TRIM31: variants seen among roughly 807,000 people sequenced by gnomAD.
TRIM31 encodes the protein E3 ubiquitin-protein ligase TRIM31.
In TRIM31, 31 loss-of-function variants were observed where a neutral mutation model predicts 40.6. The ratio of observed to expected loss-of-function variants is 0.76; its 90% CI spans 0.57 to 1.03. The LOEUF is 1.03. Among genes scored for constraint, TRIM31 ranks in the 50% least tolerant of loss-of-function variants. The probability of loss-of-function intolerance (pLI) is 0.00; values close to 1 mark genes in which losing one functional copy is unlikely to be tolerated. For synonymous variants in TRIM31, 164 were observed against 193.9 expected (o/e 0.85, Z 1.28); for missense variants, 455 against 497.5 (o/e 0.91, Z 0.81).
chr6:30,111,493 G>C, intron 3 of TRIM31, 155 bp downstream of exon 3: 1 of 692,286 alleles, frequency 1.4e-6, no homozygotes, highest in Non-Finnish European at 2.4e-6. Context: ...GCCGACGCGG[G>C]AGGTGATGCC....
At position 30,111,918 on chromosome 6, in the gene TRIM31, G is replaced by A. The variant is rs114338622; in HGVS notation, c.418-175C>T. On this transcript the variant is annotated intron_variant, in intron 2 of 8. Transcript: ENST00000376734. ...GGGGTTGCTGAGAAGGGAGAAATCT[G>A]GAGCCTAAGTGACCTAAATGACCAG... is the stretch of plus-strand genomic sequence containing the variant. The A allele has an allele frequency of 4.4e-3, 2,770 of 631,070 alleles. 36 individuals carry two copies. Among genetic ancestry groups the A allele is most frequent in the African/African-American group, 0.032 (1,748 of 54,670 alleles). The allele number at this position is 631,070 out of a possible 1,614,324, so 39.1% of individuals were successfully genotyped here.
chr6:30,105,270 G>A, intron 6 of TRIM31, 28 bp from the exon 7 acceptor site: 1 of 1,587,868 alleles, frequency 6.3e-7, no homozygotes, highest in Non-Finnish European at 8.6e-7. Context: ...GGATGAAATG[G>A]TGAGAGTCCA....
chr6:30,103,157 C>T lies in TRIM31; in HGVS notation c.*379G>A. On this transcript the variant is annotated 3_prime_UTR_variant, in exon 9 of 9. Coordinates refer to ENST00000376734, the MANE Select transcript of TRIM31 (RefSeq NM_007028.5). ...TGTGACCCAGGCTGGCGTTGCTCCT[C>T]TCCGGATTTCACTCCTGGCTGAACT... 1 of 277,980 alleles carries T rather than the reference C, an allele frequency of 3.6e-6. No homozygotes were observed. Among genetic ancestry groups the T allele is most frequent in the Non-Finnish European group, 6.9e-6 (1 of 144,966 alleles). 17.2% of individuals were successfully genotyped at this position (277,980 alleles called of 1,614,324 possible).
intron 6 of TRIM31, 51 bp from the exon 7 acceptor site, chr6:30,105,293 A>G: frequency 6.9e-7 from 1 of 1,441,012 alleles, no homozygotes; most frequent in Admixed American, 1.8e-5. Flanking sequence ...GGGGTTGAGC[A>G]AAGAACTCAC....
At chr6:30,110,817 G>C (rs1769228744) in intron 3 of TRIM31, 139 bp from the exon 4 acceptor site, 1 of 772,472 alleles carries the variant, frequency 1.3e-6, no homozygotes. Context: ...TGGAAGAAAG[G>C]AAAGGAGAGG....
Position 30,110,467 on chromosome 6 carries a change from G to A in TRIM31, c.725C>T (p.Pro242Leu), listed in dbSNP as rs1201536503. The A allele has an allele frequency of 1.9e-6, 3 of 1,613,984 alleles. No individual in the cohort carries two copies. Among genetic ancestry groups the A allele is most frequent in the Non-Finnish European group, 2.5e-6 (3 of 1,180,026 alleles). ...ACTCACCTCCAGCAGCTGCCTGGGT[G>A]GCATGTTCTGCTTGGTCTTCAGGGA... ...VDSLKTKQNM[P>L]PRQLLEDIKV... The change falls in exon 4 of 9, where the codon CCA (proline) becomes CTA (leucine). Residue 242 changes from proline (P) to leucine (L), a missense_variant. Pro to Leu is a moderately conservative substitution (Grantham distance 98, BLOSUM62 -3). Transcript: ENST00000376734.
intron 3 of TRIM31, 38 bp from the exon 4 acceptor site, chr6:30,110,716 C>A: frequency 6.3e-7 from 1 of 1,587,752 alleles, no homozygotes; most frequent in Non-Finnish European, 8.6e-7. Flanking sequence ...AGAGGATGGC[C>A]TCGAAGGTCC....
At chr6:30,111,496 G>A in intron 3 of TRIM31, 152 bp downstream of exon 3, 1 of 708,730 alleles carries the variant, frequency 1.4e-6, no homozygotes, top group South Asian at 1.8e-5. Context: ...GACGCGGGAG[G>A]TGATGCCGCC....
chr6:30,106,463 C>T (rs777446038), intron 6 of TRIM31, among the ~76,000 whole-genome samples: 1 of 152,196 alleles, frequency 6.6e-6, no homozygotes, highest in African/African-American at 2.4e-5. Context: ...AACCAACCCT[C>T]ATAATAAGAA....
intron 8 of TRIM31, 137 bp from the exon 9 acceptor site, chr6:30,103,926 A>G: frequency 7.0e-7 from 1 of 1,435,498 alleles, no homozygotes. Context: ...CACCTGAACA[A>G]GTCGGAGCGC....
At chr6:30,111,579 T>TA (rs1769324654) in intron 3 of TRIM31, 69 bp downstream of exon 3, 10 of 1,489,818 alleles carry the variant, frequency 6.7e-6, no homozygotes, top group Non-Finnish European at 9.3e-6. Context: ...GTCAGTGTAA[T>TA]AGGGGATTCC....
At chr6:30,106,674 G>T (rs1768743204) in intron 6 of TRIM31, among the ~76,000 whole-genome samples, 3 of 152,108 alleles carry the variant, frequency 2.0e-5, no homozygotes, top group African/African-American at 7.2e-5. Flanking sequence ...GTGAAAGAGG[G>T]AAAGAAAAGG....
Position 30,103,665 on chromosome 6 carries a change from A to G in TRIM31, c.1149T>C (p.Ile383=). ...CCTGAGAGCTCGCTCCTTGACCAGAAATCTCATCATAAGAGGCCAGGAGAC... is the reference window on the plus strand; with the variant it reads ...CCTGAGAGCTCGCTCCTTGACCAGAGATCTCATCATAAGAGGCCAGGAGAC... The part of the protein sequence containing the change: ...PVCLLASYDE[I]SGQGASSQDT... Residue 383 remains isoleucine (I), a synonymous_variant, in exon 9 of 9, where the codon ATT becomes ATC. Coordinates refer to ENST00000376734, the MANE Select transcript of TRIM31 (RefSeq NM_007028.5). 1 of 1,613,008 alleles carries G rather than the reference A, an allele frequency of 6.2e-7. No individual in the cohort carries two copies.
intron 6 of TRIM31, among the ~76,000 whole-genome samples, chr6:30,106,079 A>G (rs971663667): frequency 5.3e-5 from 8 of 152,206 alleles, no homozygotes; most frequent in Non-Finnish European, 1.5e-5. Flanking sequence ...GCTGGGGACA[A>G]TGGCCCATTC....
intron 5 of TRIM31, among the ~76,000 whole-genome samples, chr6:30,108,559 CAAAAAAAAAAAAAAA>C (rs28381623): frequency 1.0e-5 from 1 of 96,610 alleles, no homozygotes; most frequent in Non-Finnish European, 1.9e-5. Flanking sequence ...AGCTCCATCT[CAAAAAAAAAAAAAAA>C]AAAAAAAAAA....
At chr6:30,110,117 A>T (rs1769149491) in intron 4 of TRIM31, among the ~76,000 whole-genome samples, 1 of 152,028 alleles carries the variant, frequency 6.6e-6, no homozygotes, top group African/African-American at 2.4e-5. Context: ...CTGAAAGGAT[A>T]ATATTTCAGA....
At chr6:30,112,986 TAAAG>T (rs9278580) in intron 1 of TRIM31, 74 bp downstream of exon 1, 57,853 of 552,820 alleles carry the variant, frequency 0.1, 3,926 homozygotes, top group Non-Finnish European at 0.13. Flanking sequence ...GAGAAAAAAA[TAAAG>T]AAATGATAGA....
At chr6:30,111,814 T>G (rs1209588033) in intron 2 of TRIM31, 71 bp from the exon 3 acceptor site, 8 of 1,404,436 alleles carry the variant, frequency 5.7e-6, no homozygotes, top group African/African-American at 2.8e-5. Flanking sequence ...TCCTGGTCTC[T>G]TAGGAGAGCT....
In TRIM31 at chr6:30,103,308, C is replaced by G. The variant is rs1438722839; in HGVS notation, c.*228G>C. The stretch of plus-strand genomic sequence containing the variant: ...CGTGGGGCGGGTGGCTGGAGATTGT[C>G]TCTTCCCCTCCTTTTGCTCAAGAAT... On this transcript the variant is annotated 3_prime_UTR_variant, in exon 9 of 9. Transcript: ENST00000376734. 4.4e-6 allele frequency: 3 copies of G among 677,896 alleles called. No homozygotes were observed. The highest frequency in any genetic ancestry group is 5.0e-6 in the Non-Finnish European group (2 of 403,330). 42.0% of individuals were successfully genotyped at this position (677,896 alleles called of 1,614,324 possible).
Sources: gnomAD v4.1 joint callset for allele counts (sites outside exome capture counted in the v4.1 genomes callset) on GRCh38, gnomAD v4.1.1 for gene constraint, MANE v1.5 for transcripts, NCBI Gene and HGNC (gene_info 2026-07-23, HGNC 2026-07-21) for gene names.